TRANK1: variants seen among roughly 807,000 people sequenced by gnomAD.
The protein encoded by TRANK1 is tetratricopeptide repeat and ankyrin repeat containing 1.
TRANK1 carries 198 observed loss-of-function variants against 266.0 expected under a neutral mutation model. The ratio of observed to expected loss-of-function variants is 0.74; its 90% CI spans 0.66 to 0.84. The LOEUF is 0.84. Among genes scored for constraint, TRANK1 ranks in the 40% least tolerant of loss-of-function variants. The pLI is 0.00. For synonymous variants in TRANK1, 1,396 were observed against 1,384.1 expected, an observed-to-expected ratio of 1.01 and a Z score of -0.19; for missense variants, 3,326 against 3,634.6, an observed-to-expected ratio of 0.92 and a Z score of 2.18.
intron 8 of TRANK1, chr3:36,880,444 AAGT>A: frequency 4.4e-6 from 1 of 226,228 alleles, no homozygotes. Context: ...CTGTGAGATA[AAGT>A]ATTTTGTAAT....
intron 1 of TRANK1, among the ~76,000 whole-genome samples, chr3:36,913,845 G>A (rs938336611): frequency 4.0e-5 from 6 of 150,648 alleles, no homozygotes; most frequent in East Asian, 3.9e-4. Flanking sequence ...TCCTGCCCCC[G>A]ACCAAAGCCC....
intron 1 of TRANK1, among the ~76,000 whole-genome samples, chr3:36,932,872 CCTAAGAAA>C (rs1423104723): frequency 6.6e-6 from 1 of 151,956 alleles, no homozygotes; most frequent in Non-Finnish European, 1.5e-5. Flanking sequence ...TTTTTGCAGC[CCTAAGAAA>C]CTAATACACC....
In TRANK1 at chr3:36,828,178, G is replaced by A. The variant is rs1336658700; in HGVS notation, c.*97C>T. The A allele has an allele frequency of 1.1e-6, 1 of 872,204 alleles. No individual in the cohort carries two copies. The highest frequency in any genetic ancestry group is 1.8e-6 in the Non-Finnish European group (1 of 546,098). The allele number at this position is 872,204 out of a possible 1,614,324, so 54.0% of individuals were successfully genotyped here. On this transcript the variant is annotated 3_prime_UTR_variant, in exon 24 of 24. Transcript: ENST00000645898. The stretch of plus-strand genomic sequence containing the variant: ...TGTTAGACTCCCCTATTTTTAAAAT[G>A]CTAATTCACATTCTTTTTGTCTTCT...
chr3:36,846,522 A>G, intron 16 of TRANK1, 118 bp from the exon 17 acceptor site: 1 of 999,506 alleles, frequency 1.0e-6, no homozygotes, highest in Non-Finnish European at 1.5e-6. Flanking sequence ...TTAGAGAAGC[A>G]TAGCACAGCT....
intron 12 of TRANK1, 26 bp downstream of exon 12, chr3:36,858,692 C>T (rs530435360): frequency 1.5e-4 from 222 of 1,470,364 alleles, no homozygotes; most frequent in East Asian, 3.5e-4. Context: ...CTCAAGGAGA[C>T]GGCTGCTTAA....
At chr3:36,879,848 GTAAATATA>G (rs2079477145) in intron 8 of TRANK1, among the ~76,000 whole-genome samples, 1 of 84,758 alleles carries the variant, frequency 1.2e-5, no homozygotes, top group Non-Finnish European at 2.2e-5. Context: ...ACAAATATAT[GTAAATATA>G]CAAATATATG....
Position 36,857,250 on chromosome 3 carries a change from G to A in TRANK1, c.2472C>T (p.Ala824=). The A allele has an allele frequency of 6.2e-7, 1 of 1,612,792 alleles. No individual in the cohort carries two copies. Among genetic ancestry groups the A allele is most frequent in the Non-Finnish European group, 8.5e-7 (1 of 1,179,242 alleles). Residue 824 remains alanine, a synonymous_variant, in exon 13 of 24, where the codon GCC becomes GCT. Transcript: ENST00000645898. This position sits in a 1 kb window ranked among gnomAD's most constrained non-coding sequence, Gnocchi z 4.3. ...QDDWSTQEIE[A]CLQDFDNMTW... ...TCATGTTATCGAAGTCCTGGAGGCAGGCCTCAATCTCCTGCGTGCTCCAGT... is the reference window on the plus strand; with the variant it reads ...TCATGTTATCGAAGTCCTGGAGGCAAGCCTCAATCTCCTGCGTGCTCCAGT...
intron 1 of TRANK1, among the ~76,000 whole-genome samples, chr3:36,919,414 A>T (rs978072153): frequency 3.3e-5 from 5 of 152,216 alleles, no homozygotes; most frequent in Admixed American, 3.3e-4. Context: ...TTCCTTAAAG[A>T]TTATCCATGT....
chr3:36,857,572 C>G lies in TRANK1; in HGVS notation c.2150G>C (p.Arg717Thr). 1 of 1,614,048 alleles carries G rather than the reference C, an allele frequency of 6.2e-7. No individual in the cohort carries two copies. Among genetic ancestry groups the G allele is most frequent in the Non-Finnish European group, 8.5e-7 (1 of 1,179,902 alleles). ...WETLPGTQVT[R>T]KEPGALRPCS... ...GGGCCTGAGAGCTCCAGGCTCCTTC[C>G]TGGTCACCTGGGTACCTGGGAGAGT... The change falls in exon 13 of 24, where the codon AGG becomes ACG. Residue 717 changes from arginine to threonine, a missense_variant. Transcript: ENST00000645898. This position sits in a 1 kb window ranked among gnomAD's most constrained non-coding sequence, Gnocchi z 4.3.
At chr3:36,860,125 C>T (rs1049428873) in intron 11 of TRANK1, among the ~76,000 whole-genome samples, 10 of 152,094 alleles carry the variant, frequency 6.6e-5, no homozygotes, top group Admixed American at 1.3e-4. Context: ...TCATACAGCA[C>T]GAAGCAAGCA....
chr3:36,871,794 A>T (rs1575234589), intron 9 of TRANK1, among the ~76,000 whole-genome samples: 1 of 152,310 alleles, frequency 6.6e-6, no homozygotes, highest in East Asian at 1.9e-4. Flanking sequence ...AATGGAGTCA[A>T]GGGAGAAGTG....
At position 36,827,977 on chromosome 3, in the gene TRANK1, A is replaced by G. The variant is rs1013984800; in HGVS notation, c.*298T>C. On this transcript the variant is annotated 3_prime_UTR_variant, in exon 24 of 24. Coordinates refer to ENST00000645898, the MANE Select transcript of TRANK1 (RefSeq NM_001329998.2). ...ATGATGGGGATGAGCCAGACACCCC[A>G]GGGACCATGCAGTGAGGAGTCCCAA... 7 of 330,900 alleles carry G rather than the reference A, an allele frequency of 2.1e-5. No individual in the cohort carries two copies. The highest frequency in any genetic ancestry group is 6.7e-5 in the East Asian group (1 of 14,852). 20.5% of individuals were successfully genotyped at this position (330,900 alleles called of 1,614,324 possible). A position where few individuals can be genotyped will look rare whatever the true frequency, so the allele number is the denominator to read the frequency against.
At chr3:36,852,775 T>TAAAA (rs761417309) in intron 13 of TRANK1, among the ~76,000 whole-genome samples, 1 of 120,216 alleles carries the variant, frequency 8.3e-6, no homozygotes. Flanking sequence ...CCATCTCAAT[T>TAAAA]AAAAAAAAAA....
chr3:36,891,201 G>A (rs192187701), intron 7 of TRANK1, among the ~76,000 whole-genome samples: 12 of 152,198 alleles, frequency 7.9e-5, no homozygotes, highest in Admixed American at 2.0e-4. Context: ...TTAGCCAGGC[G>A]TGGTGGCGGG....
intron 8 of TRANK1, among the ~76,000 whole-genome samples, chr3:36,875,503 T>TA (rs1366525395): frequency 2.6e-5 from 4 of 152,186 alleles, no homozygotes; most frequent in Non-Finnish European, 5.9e-5. Context: ...GATGAGAACA[T>TA]AGCCAAAGCC....
chr3:36,855,107 C>T, intron 13 of TRANK1, 66 bp downstream of exon 13: 2 of 1,438,252 alleles, frequency 1.4e-6, no homozygotes, highest in Admixed American at 2.2e-5. Flanking sequence ...TAGTCTGCAG[C>T]TTCAAAGGCA....
At chr3:36,896,434 G>T (rs539323160) in intron 4 of TRANK1, among the ~76,000 whole-genome samples, 3 of 152,124 alleles carry the variant, frequency 2.0e-5, no homozygotes, top group Non-Finnish European at 4.4e-5. Flanking sequence ...CAAAACAAAC[G>T]CATACTATAT....
At chr3:36,895,800 A>G (rs1313192022) in intron 4 of TRANK1, 42 bp from the exon 5 acceptor site, 2 of 1,355,648 alleles carry the variant, frequency 1.5e-6, no homozygotes, top group African/African-American at 1.5e-5. Context: ...AATGTGGGGA[A>G]AGTCTACAGC....
rs28476665 is a variant in TRANK1 at position 36,864,182 on chromosome 3, C to T, written c.1240+137G>A. On this transcript the variant is annotated intron_variant, in intron 10 of 23. Coordinates refer to ENST00000645898, the MANE Select transcript of TRANK1 (RefSeq NM_001329998.2). The stretch of plus-strand genomic sequence containing the variant: ...GTAATGGATTTTACACCAAAGAATG[C>T]TCTGTGCTGTCTGAATGTTTTACAT... 4,817 of 993,880 alleles carry T rather than the reference C, an allele frequency of 4.8e-3. 184 individuals carry two copies. The African/African-American group carries it at 0.071, about 15-fold the overall frequency. The allele number at this position is 993,880 out of a possible 1,614,324, so 61.6% of individuals were successfully genotyped here.
Sources: allele counts gnomAD v4.1 joint callset (sites outside exome capture counted in the v4.1 genomes callset), GRCh38; gene constraint gnomAD v4.1.1; non-coding constraint Gnocchi (gnomAD v3.1); transcripts MANE v1.5; gene names NCBI Gene and HGNC (gene_info 2026-07-23, HGNC 2026-07-21).